The following ANKAR variants were observed in gnomAD, a reference collection of about 807,000 sequenced individuals.
The protein encoded by ANKAR is ankyrin and armadillo repeat-containing protein.
A neutral mutation model predicts 146.2 loss-of-function variants in ANKAR; 136 were observed. The ratio of observed to expected loss-of-function variants is 0.93; its 90% CI spans 0.81 to 1.07. ANKAR has a LOEUF of 1.07. Among genes scored for constraint, ANKAR ranks in the 50% least tolerant of loss-of-function variants. ANKAR has a pLI of 0.00. For synonymous variants in ANKAR, 500 were observed against 575.8 expected, an observed-to-expected ratio of 0.87 and a Z score of 1.88; for missense variants, 1,567 against 1,679.9, an observed-to-expected ratio of 0.93 and a Z score of 1.18.
At chr2:189,703,976 A>G (rs1017947162) in intron 7 of ANKAR, among the ~76,000 whole-genome samples, 31 of 152,100 alleles carry the variant, frequency 2.0e-4, no homozygotes, top group Admixed American at 8.5e-4. Flanking sequence ...ACACTTGGGG[A>G]TTACAATTCG....
In ANKAR at chr2:189,689,743, T is replaced by C. The variant is rs761709588; in HGVS notation, c.818T>C (p.Ile273Thr). Residue 273 changes from isoleucine (I) to threonine (T), a missense_variant, in exon 3 of 23, where the codon ATA becomes ACA. By Grantham distance (89) the Ile-to-Thr change is moderately conservative. Coordinates refer to ENST00000684021, the MANE Select transcript of ANKAR (RefSeq NM_001378068.1). ...FETGYWLTNA[I>T]KYNQDYLDIC... ...ACAGGCTATTGGCTTACTAATGCTATAAAATATAATCAGGATTATCTTGAT... is the reference window on the plus strand; with the variant it reads ...ACAGGCTATTGGCTTACTAATGCTACAAAATATAATCAGGATTATCTTGAT... 2 of 1,612,872 alleles carry C rather than the reference T, an allele frequency of 1.2e-6. No homozygotes were observed. Among genetic ancestry groups the C allele is most frequent in the African/African-American group, 1.3e-5 (1 of 75,016 alleles).
Position 189,720,791 on chromosome 2 carries a change from A to G in ANKAR, c.2635+4A>G. On this transcript the variant is annotated splice_donor_region_variant and intron_variant, in intron 12 of 22. Coordinates refer to ENST00000684021, the MANE Select transcript of ANKAR (RefSeq NM_001378068.1). ...AGATTTCTGAGTTCTGATTCAGGTG[A>G]GCTTCTATCTCTGTATTATTTTATA... 6.8e-7 allele frequency: 1 copy of G among 1,463,816 alleles called. No individual in the cohort carries two copies. The highest frequency in any genetic ancestry group is 9.0e-7 in the Non-Finnish European group (1 of 1,110,272). 90.7% of individuals were successfully genotyped at this position (1,463,816 alleles called of 1,614,324 possible). A position where few individuals can be genotyped will look rare whatever the true frequency, so the allele number is the denominator to read the frequency against.
At chr2:189,741,887 C>T (rs188901120) in intron 20 of ANKAR, among the ~76,000 whole-genome samples, 2 of 152,230 alleles carry the variant, frequency 1.3e-5, no homozygotes, top group East Asian at 1.9e-4. Context: ...TCTATAAGTA[C>T]GTTGATGACA....
chr2:189,693,410 T>C (rs1159566038), intron 5 of ANKAR, among the ~76,000 whole-genome samples: 3 of 152,222 alleles, frequency 2.0e-5, no homozygotes, highest in Admixed American at 1.3e-4. Flanking sequence ...TTAGTTCTTA[T>C]AATTAACAGA....
downstream of ANKAR, among the ~76,000 whole-genome samples, chr2:189,749,571 C>T (rs2044779177): frequency 6.6e-6 from 1 of 151,974 alleles, no homozygotes; most frequent in South Asian, 2.1e-4. Flanking sequence ...AAAACTCCCT[C>T]ATTTATTTCC....
chr2:189,739,354 A>G (rs1320977067), intron 19 of ANKAR, among the ~76,000 whole-genome samples: 1 of 152,184 alleles, frequency 6.6e-6, no homozygotes, highest in Non-Finnish European at 1.5e-5. Context: ...ACTAAAGGAA[A>G]CTTTACTTGA....
Position 189,689,976 on chromosome 2 carries a change from AC to A in ANKAR, c.1039+14del, listed in dbSNP as rs2036147312. ...TCAGCCTTTTTCAGGTAAGAGTATC[AC>A]CAAAAATCAAATATAAAATATAGGT... is the stretch of plus-strand genomic sequence containing the variant. On this transcript the variant is annotated intron_variant, in intron 3 of 22. Coordinates refer to ENST00000684021, the MANE Select transcript of ANKAR (RefSeq NM_001378068.1). The A allele has an allele frequency of 6.8e-7, 1 of 1,465,952 alleles. No individual in the cohort carries two copies. The highest frequency in any genetic ancestry group is 9.0e-7 in the Non-Finnish European group (1 of 1,108,124). The allele number at this position is 1,465,952 out of a possible 1,614,324, so 90.8% of individuals were successfully genotyped here. A position where few individuals can be genotyped will look rare whatever the true frequency, so the allele number is the denominator to read the frequency against.
chr2:189,753,742 A>G (rs1437694875), intron 18 of ANKAR, among the ~76,000 whole-genome samples: 1 of 152,222 alleles, frequency 6.6e-6, no homozygotes, highest in Non-Finnish European at 1.5e-5. Flanking sequence ...CCATAAAGCT[A>G]CCAAACTAGT....
chr2:189,754,083 A>G (rs762259263), intron 18 of ANKAR: 1 of 1,612,002 alleles, frequency 6.2e-7, no homozygotes, highest in Non-Finnish European at 8.5e-7. Flanking sequence ...ATGAGCAGCT[A>G]TTTTTAGGCA....
chr2:189,711,815 G>A (rs1207053155), intron 10 of ANKAR, among the ~76,000 whole-genome samples: 2 of 152,244 alleles, frequency 1.3e-5, no homozygotes, highest in Non-Finnish European at 2.9e-5. Flanking sequence ...GAAGCACAAG[G>A]GGTTGGGGGA....
At chr2:189,743,581 C>A in intron 21 of ANKAR, 107 bp downstream of exon 21, 1 of 994,350 alleles carries the variant, frequency 1.0e-6, no homozygotes, top group Non-Finnish European at 1.5e-6. Context: ...ATGAACATAT[C>A]TCCTGTATAG....
intron 7 of ANKAR, among the ~76,000 whole-genome samples, chr2:189,699,043 T>A (rs1436812103): frequency 6.6e-6 from 1 of 152,194 alleles, no homozygotes. Flanking sequence ...TAAAGCTCCA[T>A]AAAGGACAAG....
chr2:189,697,641 A>G (rs563293618), intron 7 of ANKAR, among the ~76,000 whole-genome samples: 2 of 152,160 alleles, frequency 1.3e-5, no homozygotes, highest in South Asian at 2.1e-4. Flanking sequence ...TTTAAATGCA[A>G]TAGGTAACAC....
chr2:189,697,156 T>A (rs1321294501), intron 7 of ANKAR, among the ~76,000 whole-genome samples: 1 of 151,652 alleles, frequency 6.6e-6, no homozygotes, highest in African/African-American at 2.4e-5. Context: ...TTTGGGAGGC[T>A]GAGGCTGGAG....
intron 16 of ANKAR, among the ~76,000 whole-genome samples, chr2:189,732,210 T>TGC (rs2042466415): frequency 6.6e-6 from 1 of 152,240 alleles, no homozygotes; most frequent in Non-Finnish European, 1.5e-5. Context: ...AAATGCATAG[T>TGC]ACAACACTTT....
At chr2:189,698,384 C>T (rs2037555530) in intron 7 of ANKAR, among the ~76,000 whole-genome samples, 2 of 148,812 alleles carry the variant, frequency 1.3e-5, no homozygotes, top group Admixed American at 1.3e-4. Context: ...GTTTCTACAA[C>T]TTAAAAAAAA....
chr2:189,742,437 G>T (rs186026957), intron 20 of ANKAR, among the ~76,000 whole-genome samples: 2 of 152,114 alleles, frequency 1.3e-5, no homozygotes, highest in East Asian at 1.9e-4. Flanking sequence ...TAGACAGAGG[G>T]TATTTTCTTC....
chr2:189,738,146 G>A (rs533319995), intron 18 of ANKAR, among the ~76,000 whole-genome samples: 1 of 152,174 alleles, frequency 6.6e-6, no homozygotes, highest in African/African-American at 2.4e-5. Context: ...AAAGTAAATA[G>A]GTAGAAAAAC....
At chr2:189,746,173 T>C (rs1401961711) in intron 22 of ANKAR, among the ~76,000 whole-genome samples, 2 of 152,244 alleles carry the variant, frequency 1.3e-5, no homozygotes, top group African/African-American at 4.8e-5. Flanking sequence ...CGTTCTCTTA[T>C]TGGTGCTAAC....
Sources: gnomAD v4.1 joint callset for allele counts (sites outside exome capture counted in the v4.1 genomes callset) on GRCh38, gnomAD v4.1.1 for gene constraint, MANE v1.5 for transcripts, NCBI Gene and HGNC (gene_info 2026-07-23, HGNC 2026-07-21) for gene names.